USP32: variants seen among roughly 807,000 people sequenced by gnomAD.
The protein encoded by USP32 is ubiquitin carboxyl-terminal hydrolase 32.
USP32 carries 59 observed loss-of-function variants against 204.8 expected under a neutral mutation model. That is an observed-to-expected ratio of 0.29 (90% CI 0.23 to 0.36). USP32 has a LOEUF of 0.36. Ranked by LOEUF, USP32 falls within the 10% of genes least tolerant of loss-of-function variation. The pLI, the probability that USP32 is intolerant of heterozygous loss-of-function variation, is 1.00. For synonymous variants in USP32, 517 were observed against 678.4 expected, an observed-to-expected ratio of 0.76 and a Z score of 3.70; for missense variants, 1,160 against 1,946.4, an observed-to-expected ratio of 0.60 and a Z score of 7.60.
intron 1 of USP32, among the ~76,000 whole-genome samples, chr17:60,398,636 T>C (rs1044361815): frequency 6.6e-6 from 1 of 152,154 alleles, no homozygotes; most frequent in South Asian, 2.1e-4. Context: ...TTTTGTGTGC[T>C]AAATCCTGAG....
At chr17:60,249,868 C>T (rs1182555668) in intron 11 of USP32, 10 of 535,982 alleles carry the variant, frequency 1.9e-5, no homozygotes, top group Non-Finnish European at 2.7e-5. Context: ...TTTTTAACAA[C>T]GTACTGACTG....
rs2085277899 is a variant in USP32 at position 60,222,495 on chromosome 17, G to A, written c.1663C>T (p.His555Tyr). The A allele has an allele frequency of 6.2e-7, 1 of 1,614,052 alleles. No individual in the cohort carries two copies. Among genetic ancestry groups the A allele is most frequent in the East Asian group, 2.2e-5 (1 of 44,878 alleles). ...GGGACCATTTCATAGTCTCTTCCAT[G>A]AATCAGCTGTGGAGTTCGTTTTAAT... ...GRLKRTPQLI[H>Y]GRDYEMVPEP... Residue 555 changes from histidine (H) to tyrosine (Y), a missense_variant, in exon 15 of 34, where the codon CAT (histidine) becomes TAT (tyrosine). His to Tyr is a moderately conservative substitution (Grantham distance 83). This residue lies in a region of USP32 where 536 missense variants were observed against 680.9 expected (regional missense o/e 0.79). Transcript: ENST00000300896.
chr17:60,411,526 T>A (rs889860900), intron 1 of USP32, among the ~76,000 whole-genome samples: 5 of 151,340 alleles, frequency 3.3e-5, no homozygotes, highest in African/African-American at 1.2e-4. Context: ...TTTTTAAATT[T>A]AATTTTAATT....
chr17:60,280,547 A>G (rs138260500), intron 5 of USP32, among the ~76,000 whole-genome samples: 11 of 152,368 alleles, frequency 7.2e-5, no homozygotes, highest in Admixed American at 5.9e-4. Context: ...ATATTTGTGT[A>G]TGAAAAAGTA....
chr17:60,264,222 T>C (rs566619526), intron 9 of USP32, among the ~76,000 whole-genome samples: 14 of 151,986 alleles, frequency 9.2e-5, no homozygotes, highest in Non-Finnish European at 2.1e-4. Context: ...ACCACAACCA[T>C]TTAAAAAAAT....
Position 60,255,304 on chromosome 17 carries a change from T to TC in USP32, c.991-47_991-46insG, listed in dbSNP as rs763153581. 1.5e-5 allele frequency: 22 copies of TC among 1,493,808 alleles called. No homozygotes were observed. In the African/African-American group the frequency reaches 3.1e-4, roughly 21 times the overall value. The allele number at this position is 1,493,808 out of a possible 1,614,324, so 92.5% of individuals were successfully genotyped here. A position where few individuals can be genotyped will look rare whatever the true frequency, so the allele number is the denominator to read the frequency against. ...TTAGGAACATCTTTTTTTTCTTTTT[T>TC]TTTTTTTTTTTGAGACGGAGTCTCA... On this transcript the variant is annotated intron_variant, in intron 9 of 33. Coordinates refer to ENST00000300896, the MANE Select transcript of USP32 (RefSeq NM_032582.4).
At chr17:60,221,178 G>A (rs938460205) in intron 15 of USP32, among the ~76,000 whole-genome samples, 3 of 152,192 alleles carry the variant, frequency 2.0e-5, no homozygotes, top group South Asian at 2.1e-4. Flanking sequence ...AGGGCTGCTT[G>A]AGACCAGGAG....
chr17:60,180,531 C>T lies in USP32; in HGVS notation c.4641+14G>A, dbSNP rs1567744950. The T allele has an allele frequency of 6.2e-7, 1 of 1,612,368 alleles. No homozygotes were observed. Among genetic ancestry groups the T allele is most frequent in the East Asian group, 2.2e-5 (1 of 44,854 alleles). ...TCTGTTTCTAACTTTCATTCAAAGA[C>T]TGAGAATGTTTACCTTACAGCTGCT... On this transcript the variant is annotated intron_variant, in intron 33 of 33. Transcript: ENST00000300896.
intron 1 of USP32, among the ~76,000 whole-genome samples, chr17:60,359,365 G>A (rs1330884440): frequency 1.3e-5 from 2 of 152,092 alleles, no homozygotes; most frequent in Non-Finnish European, 2.9e-5. Flanking sequence ...ACCCAGCAAA[G>A]AACCTTAAAT....
At chr17:60,324,733 T>A (rs554733567) in intron 2 of USP32, among the ~76,000 whole-genome samples, 16 of 152,342 alleles carry the variant, frequency 1.1e-4, no homozygotes, top group African/African-American at 3.8e-4. Flanking sequence ...CCAGGCATGG[T>A]GGCTCACATC....
At chr17:60,235,851 C>T (rs923541488) in intron 12 of USP32, among the ~76,000 whole-genome samples, 6 of 152,026 alleles carry the variant, frequency 3.9e-5, no homozygotes, top group African/African-American at 1.2e-4. Context: ...AAGGGTGGTG[C>T]GAGAAATAAA....
At chr17:60,307,767 TGCA>T (rs2087760243) in intron 2 of USP32, among the ~76,000 whole-genome samples, 1 of 152,230 alleles carries the variant, frequency 6.6e-6, no homozygotes, top group East Asian at 1.9e-4. Flanking sequence ...GCCCAAATGT[TGCA>T]TTTTCCAAGA....
At chr17:60,196,228 T>C (rs1160329428) in intron 27 of USP32, among the ~76,000 whole-genome samples, 2 of 146,704 alleles carry the variant, frequency 1.4e-5, no homozygotes, top group East Asian at 2.0e-4. Context: ...ATCATGCCAC[T>C]GCACTCCAGC....
intron 1 of USP32, among the ~76,000 whole-genome samples, chr17:60,387,968 A>T (rs530048348): frequency 2.6e-5 from 4 of 152,284 alleles, no homozygotes; most frequent in Non-Finnish European, 5.9e-5. Context: ...GTTAAATTGT[A>T]AGTCGGGGAT....
chr17:60,195,358 G>A (rs2084487807), intron 27 of USP32, among the ~76,000 whole-genome samples: 1 of 152,088 alleles, frequency 6.6e-6, no homozygotes, highest in African/African-American at 2.4e-5. Context: ...TCTCTTTTGA[G>A]ACAGAGTCTT....
intron 15 of USP32, among the ~76,000 whole-genome samples, chr17:60,220,444 T>C (rs1243557446): frequency 1.3e-5 from 2 of 152,224 alleles, no homozygotes; most frequent in Non-Finnish European, 2.9e-5. Context: ...TGTTCACATA[T>C]GTTTTGTCTA....
Position 60,284,214 on chromosome 17 carries a change from CTT to C in USP32, c.571+4307_571+4308del, listed in dbSNP as rs1181309647. Among the ~76,000 whole-genome samples, 856 of 132,104 alleles carry C rather than the reference CTT, an allele frequency of 6.5e-3. 18 individuals carry two copies. The highest frequency in any genetic ancestry group is 0.045 in the Admixed American group (597 of 13,354). The allele number at this position is 132,104 out of a possible 152,430, so 86.7% of individuals were successfully genotyped here. On this transcript the variant is annotated intron_variant, in intron 5 of 33. Transcript: ENST00000300896. ...CAAATAATTCAAGATTTTTTCTTTT[CTT>C]TTTTTTTTTTTTTTTGAGACCAAGT...
At chr17:60,264,857 C>CAAAAAA (rs34027846) in intron 9 of USP32, among the ~76,000 whole-genome samples, 3 of 43,486 alleles carry the variant, frequency 6.9e-5, no homozygotes, top group Non-Finnish European at 1.4e-4. Flanking sequence ...AAGACTCTGT[C>CAAAAAA]AAAAAAAAAA....
chr17:60,354,785 C>T (rs1462284546), intron 1 of USP32, among the ~76,000 whole-genome samples: 1 of 152,198 alleles, frequency 6.6e-6, no homozygotes, highest in African/African-American at 2.4e-5. Context: ...GTGGCTCACG[C>T]CTGTAATCCC....
Sources: gnomAD v4.1 joint callset for allele counts (sites outside exome capture counted in the v4.1 genomes callset) on GRCh38, gnomAD v4.1.1 for gene constraint, gnomAD v4.1.1 regional missense constraint, MANE v1.5 for transcripts, NCBI Gene and HGNC (gene_info 2026-07-23, HGNC 2026-07-21) for gene names.